Variants in ARHGEF4 observed in about 807,000 individuals in gnomAD.
ARHGEF4 encodes APC-stimulated guanine nucleotide exchange factor 1.
A neutral mutation model predicts 162.0 loss-of-function variants in ARHGEF4; 119 were observed. The ratio of observed to expected loss-of-function variants is 0.73; its 90% CI spans 0.63 to 0.86. The LOEUF is 0.86. Ranked by LOEUF, ARHGEF4 falls within the 40% of genes least tolerant of loss-of-function variation. ARHGEF4 has a pLI of 0.00. For synonymous variants in ARHGEF4, 1,014 were observed against 979.9 expected, an observed-to-expected ratio of 1.03 and a Z score of -0.65; for missense variants, 2,488 against 2,456.0, an observed-to-expected ratio of 1.01 and a Z score of -0.28.
chr2:130,996,620 T>C (rs1003709421), intron 4 of ARHGEF4, among the ~76,000 whole-genome samples: 2 of 152,192 alleles, frequency 1.3e-5, no homozygotes, highest in African/African-American at 4.8e-5. Context: ...GTTGTAAATG[T>C]CCCATTGTAA....
intron 1 of ARHGEF4, among the ~76,000 whole-genome samples, chr2:130,873,929 G>C (rs906285793): frequency 1.3e-5 from 2 of 152,076 alleles, no homozygotes; most frequent in African/African-American, 4.8e-5. Flanking sequence ...CGTTTTCCTG[G>C]GTTGATGAAA....
chr2:131,017,198 CTG>C (rs1688821327), intron 4 of ARHGEF4, among the ~76,000 whole-genome samples: 1 of 152,194 alleles, frequency 6.6e-6, no homozygotes, highest in Non-Finnish European at 1.5e-5. Context: ...TATGAATTAG[CTG>C]TGTGAGACCC....
At chr2:130,941,095 A>G (rs904848026) in intron 3 of ARHGEF4, among the ~76,000 whole-genome samples, 2 of 152,120 alleles carry the variant, frequency 1.3e-5, no homozygotes, top group African/African-American at 4.8e-5. Context: ...TGTTTAAGTA[A>G]CCCATATGAG....
chr2:130,979,883 T>C (rs951558041), intron 4 of ARHGEF4, among the ~76,000 whole-genome samples: 3 of 151,998 alleles, frequency 2.0e-5, no homozygotes, highest in Admixed American at 2.0e-4. Flanking sequence ...TAATATAAAA[T>C]GTTTACGCTT....
chr2:130,877,622 C>G (rs1297559622), intron 1 of ARHGEF4, among the ~76,000 whole-genome samples: 1 of 152,048 alleles, frequency 6.6e-6, no homozygotes, highest in Non-Finnish European at 1.5e-5. Flanking sequence ...TGCAATGCAG[C>G]CTGGGTGACA....
chr2:130,867,443 G>A (rs946485952), intron 1 of ARHGEF4, among the ~76,000 whole-genome samples: 5 of 151,852 alleles, frequency 3.3e-5, no homozygotes, highest in African/African-American at 1.2e-4. Flanking sequence ...TCACCATGTT[G>A]GCCAGGCTGG....
chr2:130,878,882 A>G (rs892241976), intron 1 of ARHGEF4, among the ~76,000 whole-genome samples: 3 of 152,250 alleles, frequency 2.0e-5, no homozygotes, highest in Non-Finnish European at 4.4e-5. Context: ...TTACTCTGGC[A>G]GTACAAAGAG....
In ARHGEF4 at chr2:130,916,728, G is replaced by A. The variant is rs1681521851; in HGVS notation, c.2782G>A (p.Glu928Lys). ...NFIESIVLEK[E>K]NTHERSPSSP... is the part of the protein sequence containing the mutation. ...TATTGAGTCAATAGTTCTAGAGAAA[G>A]AGAACACCCATGAACGTTCCCCAAG... The change falls in exon 2 of 14, where the codon GAG (glutamate) becomes AAG (lysine). Residue 928 changes from glutamate to lysine, a missense_variant. Glu to Lys is a moderately conservative substitution (Grantham distance 56). Around this residue, in one of 6 missense-constraint regions of ARHGEF4, gnomAD observed 1,642 missense variants for 1,481.5 expected, o/e 1.11. Transcript: ENST00000409359. 2.6e-6 allele frequency: 4 copies of A among 1,550,686 alleles called. No individual in the cohort carries two copies. In the South Asian group the frequency reaches 3.6e-5, roughly 14 times the overall value.
In ARHGEF4 at chr2:130,938,112, G is replaced by A. The variant is rs1480235442; in HGVS notation, c.3858+6855G>A. Among the ~76,000 whole-genome samples, 4 of 152,136 alleles carry A rather than the reference G, an allele frequency of 2.6e-5. No individual in the cohort carries two copies. In the East Asian group the frequency reaches 7.7e-4, roughly 29 times the overall value. On this transcript the variant is annotated intron_variant, in intron 3 of 13. Coordinates refer to ENST00000409359, the MANE Select transcript of ARHGEF4 (RefSeq NM_001367493.1). The stretch of plus-strand genomic sequence containing the variant: ...TCATTCACCTATTCGAAGACATCTA[G>A]ATTGTTTCCAGGTTTGGGCTATTAT...
intron 8 of ARHGEF4, among the ~76,000 whole-genome samples, chr2:131,040,752 CTG>C (rs1486990872): frequency 6.6e-6 from 1 of 152,192 alleles, no homozygotes; most frequent in Non-Finnish European, 1.5e-5. Context: ...AGAGTGAGCT[CTG>C]GGGTTTCTCA....
At chr2:131,008,059 A>C (rs1318101108) in intron 4 of ARHGEF4, among the ~76,000 whole-genome samples, 1 of 151,882 alleles carries the variant, frequency 6.6e-6, no homozygotes, top group Non-Finnish European at 1.5e-5. Flanking sequence ...GTAATCCACC[A>C]GCCTCAGGCT....
chr2:130,935,529 G>A (rs1682893659), intron 3 of ARHGEF4, among the ~76,000 whole-genome samples: 1 of 152,118 alleles, frequency 6.6e-6, no homozygotes, highest in Non-Finnish European at 1.5e-5. Context: ...TTCCCTCTCA[G>A]CATAGCGTTC....
At chr2:130,947,657 C>A (rs1193665868) in intron 4 of ARHGEF4, among the ~76,000 whole-genome samples, 1 of 152,212 alleles carries the variant, frequency 6.6e-6, no homozygotes, top group African/African-American at 2.4e-5. Flanking sequence ...CATCACATAT[C>A]TGTCCATAAA....
intron 1 of ARHGEF4, among the ~76,000 whole-genome samples, chr2:130,847,291 T>C (rs2104870840): frequency 6.6e-6 from 1 of 152,246 alleles, no homozygotes; most frequent in Non-Finnish European, 1.5e-5. Flanking sequence ...GTCTCCTGCT[T>C]CCTCTTGAAT....
intron 2 of ARHGEF4, among the ~76,000 whole-genome samples, chr2:130,926,784 A>G (rs1224778856): frequency 1.4e-5 from 2 of 141,586 alleles, no homozygotes; most frequent in African/African-American, 2.5e-5. Flanking sequence ...ATTTTGGAAA[A>G]TAAACCTGAG....
chr2:131,001,553 A>G (rs965411827), intron 4 of ARHGEF4, among the ~76,000 whole-genome samples: 2 of 152,204 alleles, frequency 1.3e-5, no homozygotes, highest in African/African-American at 4.8e-5. Flanking sequence ...TACAGGGTCC[A>G]GAATTCTTAT....
chr2:130,981,359 A>C (rs1405967079), intron 4 of ARHGEF4, among the ~76,000 whole-genome samples: 2 of 152,240 alleles, frequency 1.3e-5, no homozygotes, highest in Non-Finnish European at 2.9e-5. Context: ...AACCCAAAGG[A>C]GAACAAACAG....
At chr2:131,022,176 A>T (rs1689175932) in intron 4 of ARHGEF4, among the ~76,000 whole-genome samples, 1 of 152,198 alleles carries the variant, frequency 6.6e-6, no homozygotes, top group Non-Finnish European at 1.5e-5. Context: ...TGAGTTGGGA[A>T]GTATTCCTTC....
At chr2:130,977,626 CTGTG>C (rs534416386) in intron 4 of ARHGEF4, among the ~76,000 whole-genome samples, 35 of 150,888 alleles carry the variant, frequency 2.3e-4, no homozygotes, top group Non-Finnish European at 4.0e-4. Flanking sequence ...ATGGTGTGTG[CTGTG>C]TGTGTTTTGT....
Sources: allele counts gnomAD v4.1 joint callset (sites outside exome capture counted in the v4.1 genomes callset), GRCh38; gene constraint gnomAD v4.1.1; regional missense constraint gnomAD v4.1.1; transcripts MANE v1.5; gene names NCBI Gene and HGNC (gene_info 2026-07-23, HGNC 2026-07-21).